DYNC2H1: variants seen among roughly 807,000 people sequenced by gnomAD.
DYNC2H1 encodes the protein dynein cytoplasmic 2 heavy chain 1.
Under a neutral mutation model 570.0 loss-of-function variants are expected in DYNC2H1, and 410 were observed. The observed-to-expected ratio is 0.72, with a 90% confidence interval of 0.66 to 0.78. The LOEUF (loss-of-function observed/expected upper bound fraction) is 0.78, where lower values mean the gene tolerates loss of function less well. Ranked by LOEUF, DYNC2H1 falls within the 30% of genes least tolerant of loss-of-function variation. DYNC2H1 has a pLI of 0.00. For synonymous variants in DYNC2H1, 1,688 were observed against 1,677.6 expected (o/e 1.01, Z -0.15); for missense variants, 4,865 against 5,046.4 (o/e 0.96, Z 1.09).
At chr11:103,146,579 A>G (rs1176341670) in intron 18 of DYNC2H1, among the ~76,000 whole-genome samples, 3 of 152,110 alleles carry the variant, frequency 2.0e-5, no homozygotes, top group Admixed American at 6.6e-5. Context: ...AATGTAGATT[A>G]TATTATATCC....
intron 82 of DYNC2H1, among the ~76,000 whole-genome samples, chr11:103,337,025 G>T (rs1946720142): frequency 1.3e-5 from 2 of 152,172 alleles, no homozygotes; most frequent in Non-Finnish European, 2.9e-5. Flanking sequence ...TGAAGGTCAT[G>T]GGTTTACCAG....
intron 83 of DYNC2H1, among the ~76,000 whole-genome samples, chr11:103,381,158 T>C (rs182419233): frequency 3.5e-4 from 53 of 152,306 alleles, no homozygotes; most frequent in Admixed American, 3.3e-3. Context: ...GAAGTTATAA[T>C]GTTCTAAGAG....
chr11:103,410,183 T>C (rs899686191), intron 84 of DYNC2H1, among the ~76,000 whole-genome samples: 3 of 152,030 alleles, frequency 2.0e-5, no homozygotes, highest in Non-Finnish European at 4.4e-5. Flanking sequence ...ATTTTAGTAA[T>C]AGGGATTTCT....
intron 30 of DYNC2H1, among the ~76,000 whole-genome samples, chr11:103,164,654 C>T (rs1861225991): frequency 1.3e-5 from 2 of 152,218 alleles, no homozygotes; most frequent in South Asian, 4.2e-4. Flanking sequence ...CCTTCAAGTA[C>T]CTACGTTATC....
chr11:103,220,894 TG>T, intron 57 of DYNC2H1, 111 bp downstream of exon 57: 1 of 1,016,300 alleles, frequency 9.8e-7, no homozygotes, highest in Non-Finnish European at 1.4e-6. Flanking sequence ...TCTAAATACA[TG>T]GGTGTACATT....
At chr11:103,248,351 T>A (rs1319284626) in intron 65 of DYNC2H1, among the ~76,000 whole-genome samples, 1 of 152,050 alleles carries the variant, frequency 6.6e-6, no homozygotes, top group Non-Finnish European at 1.5e-5. Flanking sequence ...CTCATGGTAC[T>A]TGAATTCATC....
intron 85 of DYNC2H1, among the ~76,000 whole-genome samples, chr11:103,452,559 AAG>A (rs1257571920): frequency 1.3e-5 from 2 of 151,874 alleles, no homozygotes; most frequent in Non-Finnish European, 2.9e-5. Context: ...TTTTTTTAGA[AAG>A]AGATACAGAC....
chr11:103,456,216 C>T, intron 86 of DYNC2H1, 59 bp from the exon 87 acceptor site: 1 of 1,329,964 alleles, frequency 7.5e-7, no homozygotes, highest in Non-Finnish European at 1.0e-6. Flanking sequence ...TTCAGTTACT[C>T]TTCATATTTT....
At chr11:103,384,322 A>C (rs1280968683) in intron 83 of DYNC2H1, among the ~76,000 whole-genome samples, 1 of 151,848 alleles carries the variant, frequency 6.6e-6, no homozygotes, top group Non-Finnish European at 1.5e-5. Context: ...TTAATATGTC[A>C]GTTTTCTTTT....
chr11:103,309,550 A>T (rs1468424036), intron 78 of DYNC2H1, among the ~76,000 whole-genome samples: 2 of 149,486 alleles, frequency 1.3e-5, no homozygotes, highest in African/African-American at 4.9e-5. Context: ...TGTTTGTTTC[A>T]TTTAAGGAAA....
intron 84 of DYNC2H1, among the ~76,000 whole-genome samples, chr11:103,429,260 CAA>C (rs35977617): frequency 0.11 from 16,620 of 148,074 alleles, 1,199 homozygotes; most frequent in African/African-American, 0.21. Context: ...GACCCTGTCT[CAA>C]AAAAAAAACA....
intron 85 of DYNC2H1, among the ~76,000 whole-genome samples, chr11:103,454,519 A>G (rs1001466478): frequency 3.9e-5 from 6 of 152,128 alleles, no homozygotes; most frequent in African/African-American, 1.4e-4. Flanking sequence ...CCTCATTTGT[A>G]AAGTGGGGAT....
rs1337696570 is a variant in DYNC2H1, at chr11:103,234,178, G to A, written c.9567+18G>A. The A allele has an allele frequency of 2.5e-6, 4 of 1,575,204 alleles. No individual in the cohort carries two copies. In the Admixed American group the frequency reaches 5.5e-5, roughly 22 times the overall value. On this transcript the variant is annotated intron_variant, in intron 61 of 88. Coordinates refer to ENST00000375735, the MANE Select transcript of DYNC2H1 (RefSeq NM_001377.3). ...ATGCACAGGTTTGTTTGAGAGAGGG[G>A]CCATGAGGAGTCTACCTTTAAACTG...
rs563420300 is a variant in DYNC2H1 at position 103,275,072 on chromosome 11, C to T, written c.10696-5276C>T. On this transcript the variant is annotated intron_variant, in intron 70 of 88. Transcript: ENST00000375735. The surrounding 1 kb of genome is among the most constrained non-coding windows in gnomAD (Gnocchi z 4.8). ...TTGCGCCACTGCACTCCAGCCTGGG[C>T]GACAGTGAGAGACTCCGTCTCAAAA... is the stretch of plus-strand genomic sequence containing the variant. 6.0e-4 allele frequency among the ~76,000 whole-genome samples: 91 copies of T among 151,568 alleles called. No homozygotes were observed. The highest frequency in any genetic ancestry group is 2.1e-3 in the African/African-American group (86 of 41,286).
At chr11:103,258,655 G>A (rs965016754) in intron 69 of DYNC2H1, among the ~76,000 whole-genome samples, 4 of 152,122 alleles carry the variant, frequency 2.6e-5, no homozygotes, top group Admixed American at 1.3e-4. Flanking sequence ...GTAGATGGAT[G>A]GACTTCTTAT....
chr11:103,427,449 T>C (rs1943712214), intron 84 of DYNC2H1, among the ~76,000 whole-genome samples: 1 of 152,170 alleles, frequency 6.6e-6, no homozygotes, highest in Admixed American at 6.6e-5. Flanking sequence ...ATTCCTAATG[T>C]ATACCATGCT....
At chr11:103,456,080 A>T (rs1354925181) in intron 86 of DYNC2H1, among the ~76,000 whole-genome samples, 195 bp from the exon 87 acceptor site, 1 of 152,178 alleles carries the variant, frequency 6.6e-6, no homozygotes, top group African/African-American at 2.4e-5. Flanking sequence ...AACTTACAGC[A>T]TCAAAGAGGA....
At chr11:103,270,224 G>C (rs1335514987) in intron 70 of DYNC2H1, among the ~76,000 whole-genome samples, 1 of 149,860 alleles carries the variant, frequency 6.7e-6, no homozygotes, top group Non-Finnish European at 1.5e-5. Context: ...AATAATAAAA[G>C]AAAGAAAATG....
At position 103,177,477 on chromosome 11, in the gene DYNC2H1, C is replaced by G; in HGVS notation, c.5875-79C>G. Reference sequence around the variant, plus strand: ...CAAAGGCTTAATTTACACATTAGAACAAGTGTTACAGAATAAAAGCAGAAC... The same window carrying G: ...CAAAGGCTTAATTTACACATTAGAAGAAGTGTTACAGAATAAAAGCAGAAC... On this transcript the variant is annotated intron_variant, in intron 37 of 88. Transcript: ENST00000375735. The surrounding 1 kb of genome is among the most constrained non-coding windows in gnomAD (Gnocchi z 4.4). 1 of 1,411,378 alleles carries G rather than the reference C, an allele frequency of 7.1e-7. No individual in the cohort carries two copies. Among genetic ancestry groups the G allele is most frequent in the South Asian group, 1.4e-5 (1 of 69,746 alleles). The allele number at this position is 1,411,378 out of a possible 1,614,324, so 87.4% of individuals were successfully genotyped here. A position where few individuals can be genotyped will look rare whatever the true frequency, so the allele number is the denominator to read the frequency against.
Sources: gnomAD v4.1 joint callset for allele counts (sites outside exome capture counted in the v4.1 genomes callset) on GRCh38, gnomAD v4.1.1 for gene constraint, Gnocchi (gnomAD v3.1) non-coding constraint, MANE v1.5 for transcripts, NCBI Gene and HGNC (gene_info 2026-07-23, HGNC 2026-07-21) for gene names.